Variants in EIF4ENIF1 observed in about 807,000 individuals in gnomAD.
EIF4ENIF1 encodes eukaryotic translation initiation factor 4E nuclear import factor 1.
EIF4ENIF1 carries 23 observed loss-of-function variants against 110.5 expected under a neutral mutation model. The ratio of observed to expected loss-of-function variants is 0.21; its 90% CI spans 0.15 to 0.29. EIF4ENIF1 has a LOEUF of 0.29. EIF4ENIF1 is among the 10% of genes least tolerant of loss of function. The pLI is 1.00. For synonymous variants in EIF4ENIF1, 440 were observed against 437.0 expected (o/e 1.01, Z -0.09); for missense variants, 1,031 against 1,221.1 (o/e 0.84, Z 2.32).
Position 31,454,156 on chromosome 22 carries a change from C to A in EIF4ENIF1, c.1500G>T (p.Gln500His). The A allele has an allele frequency of 6.2e-7, 1 of 1,614,132 alleles. No homozygotes were observed. Among genetic ancestry groups the A allele is most frequent in the Non-Finnish European group, 8.5e-7 (1 of 1,180,014 alleles). Residue 500 changes from glutamine (Q) to histidine (H), a missense_variant, in exon 10 of 19, where the codon CAG becomes CAT. This residue lies in a region of EIF4ENIF1 where 704 missense variants were observed against 879.7 expected (regional missense o/e 0.80). Transcript: ENST00000330125. ...TMKASGTLPS[Q>H]PKVSRNLESH... ...GTCAGATACTTACGCTGACTTTGGGCTGAGAAGGCAAAGTCCCACTTGCCT... is the reference window on the plus strand; with the variant it reads ...GTCAGATACTTACGCTGACTTTGGGATGAGAAGGCAAAGTCCCACTTGCCT...
chr22:31,467,341 C>T (rs1406080259), intron 4 of EIF4ENIF1, among the ~76,000 whole-genome samples: 1 of 152,128 alleles, frequency 6.6e-6, no homozygotes, highest in Non-Finnish European at 1.5e-5. Flanking sequence ...GAGTCGTCCT[C>T]TCATCTCAAA....
intron 6 of EIF4ENIF1, among the ~76,000 whole-genome samples, chr22:31,460,131 A>G (rs182846220): frequency 1.6e-4 from 25 of 152,344 alleles, no homozygotes; most frequent in African/African-American, 5.8e-4. Context: ...CAAGTTACCT[A>G]TCAATTTCTT....
At chr22:31,457,306 T>C (rs1303359101) in intron 7 of EIF4ENIF1, among the ~76,000 whole-genome samples, 1 of 152,218 alleles carries the variant, frequency 6.6e-6, no homozygotes, top group African/African-American at 2.4e-5. Flanking sequence ...AATTATGAAA[T>C]AGTGCCAATC....
chr22:31,448,629 T>C (rs1485428592), intron 12 of EIF4ENIF1, among the ~76,000 whole-genome samples: 2 of 152,234 alleles, frequency 1.3e-5, no homozygotes, highest in African/African-American at 2.4e-5. Context: ...CAAGGTTTGT[T>C]TGGCAGGAGC....
At chr22:31,487,288 C>G (rs1285891225) in intron 2 of EIF4ENIF1, among the ~76,000 whole-genome samples, 2 of 152,144 alleles carry the variant, frequency 1.3e-5, no homozygotes, top group African/African-American at 4.8e-5. Context: ...ACAGATCATC[C>G]TAAGAGAGCA....
chr22:31,488,704 A>G lies in EIF4ENIF1; in HGVS notation c.15T>C (p.Ser5=), dbSNP rs920578513. 2.5e-6 allele frequency: 4 copies of G among 1,613,992 alleles called. No homozygotes were observed. The African/African-American group carries it at 4.0e-5, about 16-fold the overall frequency. MDRR[S]MGETESGDAF... ...CATCTCCACTTTCTGTTTCACCCAT[A>G]CTTCTCCTATCCATGGCTCCTTGGT... is the stretch of plus-strand genomic sequence containing the variant. The change falls in exon 2 of 19, where the codon AGT becomes AGC. Residue 5 remains serine, a synonymous_variant. Transcript: ENST00000330125.
chr22:31,483,027 CAAA>C (rs1363718475), intron 2 of EIF4ENIF1, among the ~76,000 whole-genome samples: 3 of 150,548 alleles, frequency 2.0e-5, no homozygotes, highest in Admixed American at 2.0e-4. Context: ...TGTCTCAAAA[CAAA>C]AAAACAGAAA....
chr22:31,458,409 A>G, intron 7 of EIF4ENIF1, 66 bp downstream of exon 7: 1 of 1,351,734 alleles, frequency 7.4e-7, no homozygotes, highest in Non-Finnish European at 9.7e-7. Flanking sequence ...AACACTTTCA[A>G]ACCGATGTCT....
intron 10 of EIF4ENIF1, chr22:31,450,644 GA>G: frequency 9.5e-6 from 3 of 316,102 alleles, no homozygotes; most frequent in Non-Finnish European, 1.8e-5. Context: ...CCAAAAGGGG[GA>G]AAAATGGTGA....
At chr22:31,457,930 C>A (rs1017754863) in intron 7 of EIF4ENIF1, among the ~76,000 whole-genome samples, 1 of 151,878 alleles carries the variant, frequency 6.6e-6, no homozygotes, top group Non-Finnish European at 1.5e-5. Context: ...AACAGGAATT[C>A]TAAAAATAAC....
At chr22:31,453,262 T>C (rs2050726282) in intron 10 of EIF4ENIF1, 2 of 295,980 alleles carry the variant, frequency 6.8e-6, no homozygotes, top group Admixed American at 4.1e-5. Context: ...TGATATGCAG[T>C]TGTGTCACCT....
intron 7 of EIF4ENIF1, among the ~76,000 whole-genome samples, chr22:31,456,501 G>C (rs1290688797): frequency 4.0e-5 from 6 of 151,530 alleles, no homozygotes; most frequent in African/African-American, 1.5e-4. Context: ...GGGATTACAA[G>C]CATGAGCCAC....
At chr22:31,450,513 C>G (rs1042631306) in intron 10 of EIF4ENIF1, 153 bp from the exon 11 acceptor site, 5 of 545,356 alleles carry the variant, frequency 9.2e-6, no homozygotes, top group Admixed American at 8.7e-5. Context: ...GTGTTCCGCT[C>G]TCATCACACA....
At chr22:31,457,753 G>A (rs1601594084) in intron 7 of EIF4ENIF1, among the ~76,000 whole-genome samples, 2 of 152,170 alleles carry the variant, frequency 1.3e-5, no homozygotes, top group East Asian at 1.9e-4. Flanking sequence ...ATTTTCAGAG[G>A]AATTATCTAG....
At chr22:31,443,437 A>C in intron 15 of EIF4ENIF1, 2 of 202,788 alleles carry the variant, frequency 9.9e-6, no homozygotes, top group South Asian at 9.8e-5. Flanking sequence ...CAAAGATAAC[A>C]TCAAAACCAG....
At chr22:31,480,305 C>T (rs1346134612) in intron 2 of EIF4ENIF1, among the ~76,000 whole-genome samples, 1 of 152,186 alleles carries the variant, frequency 6.6e-6, no homozygotes, top group African/African-American at 2.4e-5. Context: ...AAGTGGAAAG[C>T]AAATGAATCT....
chr22:31,481,932 G>A (rs1219956875), intron 2 of EIF4ENIF1, among the ~76,000 whole-genome samples: 2 of 152,148 alleles, frequency 1.3e-5, no homozygotes, highest in Non-Finnish European at 2.9e-5. Context: ...CACTTTAGGA[G>A]GCTGAGGCAG....
intron 7 of EIF4ENIF1, 76 bp from the exon 8 acceptor site, chr22:31,456,063 C>T (rs2050801662): frequency 3.6e-5 from 53 of 1,483,488 alleles, no homozygotes; most frequent in Non-Finnish European, 4.0e-5. Context: ...ATGAAAGGGT[C>T]ACTTACTTTG....
chr22:31,454,254 C>T lies in EIF4ENIF1; in HGVS notation c.1402G>A (p.Ala468Thr), dbSNP rs778795470. ...TTCAGTTGTCGATTGTTGGTTACGG[C>T]ACTCAAGGTCTCTTCTAGGTGTTCT... ...MAEHLEETLSAVTNNRQLKKD... is the reference protein window; with the variant it reads ...MAEHLEETLSTVTNNRQLKKD... Residue 468 changes from alanine (A) to threonine (T), a missense_variant, in exon 10 of 19, where the codon GCC (alanine) becomes ACC (threonine). By Grantham distance (58) the Ala-to-Thr change is moderately conservative. This residue lies in a region of EIF4ENIF1 where 704 missense variants were observed against 879.7 expected (regional missense o/e 0.80). Transcript: ENST00000330125. 1 of 1,614,116 alleles carries T rather than the reference C, an allele frequency of 6.2e-7. No homozygotes were observed. Among genetic ancestry groups the T allele is most frequent in the South Asian group, 1.1e-5 (1 of 91,084 alleles).
Sources: gnomAD v4.1 joint callset for allele counts (sites outside exome capture counted in the v4.1 genomes callset) on GRCh38, gnomAD v4.1.1 for gene constraint, gnomAD v4.1.1 regional missense constraint, MANE v1.5 for transcripts, NCBI Gene and HGNC (gene_info 2026-07-23, HGNC 2026-07-21) for gene names.